PLCH1: variants seen among roughly 807,000 people sequenced by gnomAD.
PLCH1 encodes the protein 1-phosphatidylinositol 4,5-bisphosphate phosphodiesterase eta-1.
A neutral mutation model predicts 126.7 loss-of-function variants in PLCH1; 60 were observed. The observed-to-expected ratio is 0.47, with a 90% CI of 0.38 to 0.59. The LOEUF is 0.59. Ranked by LOEUF, PLCH1 falls within the 20% of genes least tolerant of loss-of-function variation. The pLI is 0.00. For missense variants in PLCH1, 1,723 were observed against 2,040.0 expected, an observed-to-expected ratio of 0.84 and a Z score of 2.99; for synonymous variants, 719 against 734.9, an observed-to-expected ratio of 0.98 and a Z score of 0.35.
At chr3:155,700,581 A>C (rs916903684) in intron 2 of PLCH1, among the ~76,000 whole-genome samples, 3 of 152,234 alleles carry the variant, frequency 2.0e-5, no homozygotes, top group Non-Finnish European at 2.9e-5. Context: ...ACAGGAAAGC[A>C]ATTAATACTT....
At chr3:155,632,136 G>A (rs1269181797) in intron 2 of PLCH1, among the ~76,000 whole-genome samples, 3 of 152,140 alleles carry the variant, frequency 2.0e-5, no homozygotes, top group Admixed American at 2.0e-4. Context: ...GACATGGCTT[G>A]AAAGGGCCAT....
rs371608348 is a variant in PLCH1 at position 155,568,345 on chromosome 3, G to A, written c.772-21C>T. The A allele has an allele frequency of 2.0e-5, 20 of 982,966 alleles. No homozygotes were observed. The African/African-American group carries it at 3.1e-4, about 15-fold the overall frequency. The allele number at this position is 982,966 out of a possible 1,614,324, so 60.9% of individuals were successfully genotyped here. ...TTCATCTAAGAAAAACAGAATACTA[G>A]TAGAGTACCTGCAATTTCATAAACT... On this transcript the variant is annotated intron_variant, in intron 6 of 22. Coordinates refer to ENST00000460012, the MANE Select transcript of PLCH1 (RefSeq NM_014996.4).
chr3:155,544,497 G>C (rs1238635050), intron 10 of PLCH1, among the ~76,000 whole-genome samples: 1 of 152,088 alleles, frequency 6.6e-6, no homozygotes, highest in Non-Finnish European at 1.5e-5. Flanking sequence ...AAGTTAACAA[G>C]GATATCCAGG....
intron 6 of PLCH1, 105 bp downstream of exon 6, chr3:155,583,367 C>T: frequency 1.1e-6 from 1 of 879,264 alleles, no homozygotes; most frequent in South Asian, 1.6e-5. Context: ...GTGATATTTA[C>T]CACCTTTGCA....
chr3:155,472,251 CA>C (rs1454974145), intron 21 of PLCH1, among the ~76,000 whole-genome samples: 2 of 151,986 alleles, frequency 1.3e-5, no homozygotes, highest in African/African-American at 4.8e-5. Context: ...GGGATATCAC[CA>C]CCGATCCCAC....
At chr3:155,467,482 G>C (rs1712975617) in intron 21 of PLCH1, among the ~76,000 whole-genome samples, 2 of 151,730 alleles carry the variant, frequency 1.3e-5, no homozygotes, top group African/African-American at 4.8e-5. Context: ...GCTGAGGAAG[G>C]AGAATCACTT....
At chr3:155,486,790 C>T (rs192199302) in intron 21 of PLCH1, among the ~76,000 whole-genome samples, 1,553 of 152,190 alleles carry the variant, frequency 0.01, 27 homozygotes, top group African/African-American at 0.035. Flanking sequence ...TCCCAAAGTG[C>T]TGGGATTACA....
intron 1 of PLCH1, among the ~76,000 whole-genome samples, chr3:155,713,302 C>A (rs1160772992): frequency 1.3e-5 from 2 of 152,112 alleles, no homozygotes; most frequent in Non-Finnish European, 2.9e-5. Flanking sequence ...ATTACTTATT[C>A]AAAAAATGCA....
intron 2 of PLCH1, among the ~76,000 whole-genome samples, chr3:155,638,806 C>T (rs1203552708): frequency 6.6e-6 from 1 of 152,158 alleles, no homozygotes; most frequent in African/African-American, 2.4e-5. Context: ...TTACTCCTAA[C>T]TAGAATGAGT....
intron 6 of PLCH1, among the ~76,000 whole-genome samples, chr3:155,571,495 C>T (rs1052686439): frequency 2.0e-5 from 3 of 152,098 alleles, no homozygotes; most frequent in East Asian, 1.9e-4. Context: ...CTGCTTACCG[C>T]GTTCAAGCAA....
chr3:155,562,137 G>T (rs1245442267), intron 8 of PLCH1, among the ~76,000 whole-genome samples: 6 of 152,066 alleles, frequency 3.9e-5, no homozygotes, highest in Non-Finnish European at 7.4e-5. Flanking sequence ...ATCTGCTCCT[G>T]TCTGCATACT....
At chr3:155,626,808 A>ATGATAAGTT (rs1737359644) in intron 2 of PLCH1, among the ~76,000 whole-genome samples, 1 of 148,612 alleles carries the variant, frequency 6.7e-6, no homozygotes, top group Non-Finnish European at 1.5e-5. Context: ...AAGGAAAAAG[A>ATGATAAGTT]TGATAAGTTT....
intron 8 of PLCH1, 64 bp downstream of exon 8, chr3:155,564,851 T>A: frequency 9.9e-7 from 1 of 1,011,880 alleles, no homozygotes; most frequent in South Asian, 1.3e-5. Context: ...TATACTAGAC[T>A]CGACAGACTG....
intron 21 of PLCH1, chr3:155,457,858 C>T (rs753355442): frequency 6.6e-6 from 1 of 152,286 alleles, no homozygotes; most frequent in African/African-American, 2.4e-5. Flanking sequence ...CAATGTCACC[C>T]TTGCTTCCCC....
chr3:155,713,484 T>C (rs1213653919), intron 1 of PLCH1, among the ~76,000 whole-genome samples: 1 of 152,134 alleles, frequency 6.6e-6, no homozygotes, highest in African/African-American at 2.4e-5. Context: ...CAAGATATCA[T>C]GGTAAAAACT....
chr3:155,568,754 C>CTGTGTGTG (rs3068946), intron 6 of PLCH1, among the ~76,000 whole-genome samples: 5,860 of 147,208 alleles, frequency 0.04, 131 homozygotes, highest in African/African-American at 0.057. Flanking sequence ...AAATGTACCT[C>CTGTGTGTG]TGTGTGTGTG....
chr3:155,630,542 T>G (rs1279900031), intron 2 of PLCH1, among the ~76,000 whole-genome samples: 1 of 152,144 alleles, frequency 6.6e-6, no homozygotes, highest in East Asian at 1.9e-4. Flanking sequence ...CCTGCAAGAG[T>G]CTGCCATATT....
At chr3:155,508,786 G>T (rs373085717) in intron 12 of PLCH1, among the ~76,000 whole-genome samples, 6,152 of 82,144 alleles carry the variant, frequency 0.075, 314 homozygotes, top group East Asian at 0.12. Context: ...TTGCATCAAT[G>T]TTCATCAAGG....
chr3:155,699,936 C>T (rs1314177392), intron 2 of PLCH1, among the ~76,000 whole-genome samples: 2 of 152,120 alleles, frequency 1.3e-5, no homozygotes, highest in Non-Finnish European at 2.9e-5. Flanking sequence ...GAAATCTTAT[C>T]TTCTCTTCAA....
Sources: gnomAD v4.1 joint callset for allele counts (sites outside exome capture counted in the v4.1 genomes callset) on GRCh38, gnomAD v4.1.1 for gene constraint, MANE v1.5 for transcripts, NCBI Gene and HGNC (gene_info 2026-07-23, HGNC 2026-07-21) for gene names.